EHF: variants seen among roughly 807,000 people sequenced by gnomAD.
The protein encoded by EHF is ETS homologous factor, also known as ESE3 transcription factor.
In EHF, 14 loss-of-function variants were observed where a neutral mutation model predicts 45.1. That is an observed-to-expected ratio of 0.31 (90% confidence interval 0.21 to 0.49). EHF has a LOEUF of 0.49. EHF is among the 20% of genes least tolerant of loss of function. The probability of loss-of-function intolerance (pLI) is 0.99; values close to 1 mark genes in which losing one functional copy is unlikely to be tolerated. For missense variants in EHF, 282 were observed against 371.4 expected, an observed-to-expected ratio of 0.76 and a Z score of 1.98; for synonymous variants, 136 against 131.8, an observed-to-expected ratio of 1.03 and a Z score of -0.22.
intron 1 of EHF, among the ~76,000 whole-genome samples, chr11:34,636,897 T>C (rs1011138029): frequency 6.6e-6 from 1 of 152,004 alleles, no homozygotes; most frequent in Non-Finnish European, 1.5e-5. Context: ...GGCGTGGTGG[T>C]GCATGCCTAT....
chr11:34,636,075 T>C (rs1300920371), intron 1 of EHF, among the ~76,000 whole-genome samples: 72 of 152,328 alleles, frequency 4.7e-4, no homozygotes, highest in Non-Finnish European at 4.4e-5. Context: ...CTTTGAAGCT[T>C]TGCTCGAAAT....
At chr11:34,633,586 A>G (rs1206906651) in intron 1 of EHF, among the ~76,000 whole-genome samples, 1 of 152,174 alleles carries the variant, frequency 6.6e-6, no homozygotes, top group Non-Finnish European at 1.5e-5. Context: ...TTTTATTTCA[A>G]GTTGGCAAAT....
intron 4 of EHF, among the ~76,000 whole-genome samples, chr11:34,649,823 A>G (rs548281115): frequency 6.6e-6 from 1 of 152,180 alleles, no homozygotes; most frequent in Non-Finnish European, 1.5e-5. Context: ...GGGCCAACCA[A>G]GCTTTCCATA....
At chr11:34,654,963 CTT>C (rs1461125097) in intron 6 of EHF, among the ~76,000 whole-genome samples, 13 of 152,178 alleles carry the variant, frequency 8.5e-5, no homozygotes, top group African/African-American at 3.1e-4. Flanking sequence ...AAATGCCACT[CTT>C]TGTCTGCAGT....
At chr11:34,649,752 G>A (rs550280949) in intron 4 of EHF, among the ~76,000 whole-genome samples, 2 of 152,264 alleles carry the variant, frequency 1.3e-5, no homozygotes, top group South Asian at 4.1e-4. Context: ...ATAAAACTGT[G>A]CAGCAACTAT....
intron 1 of EHF, among the ~76,000 whole-genome samples, chr11:34,637,099 T>C (rs890731893): frequency 6.6e-6 from 1 of 151,206 alleles, no homozygotes; most frequent in Admixed American, 6.6e-5. Context: ...CACTCTTGAA[T>C]GTGTCCTCTC....
chr11:34,642,553 ACT>A, intron 1 of EHF, 73 bp from the exon 2 acceptor site: 1 of 898,080 alleles, frequency 1.1e-6, no homozygotes, highest in Non-Finnish European at 1.8e-6. Context: ...TCCTAAATTT[ACT>A]CTGTGATCTG....
intron 1 of EHF, 106 bp from the exon 2 acceptor site, chr11:34,642,522 G>A (rs1854109974): frequency 1.4e-6 from 1 of 735,208 alleles, no homozygotes. Flanking sequence ...TGGGTGGAAG[G>A]ACAAATTCTC....
intron 3 of EHF, among the ~76,000 whole-genome samples, chr11:34,647,984 C>T (rs1394050324): frequency 6.6e-6 from 1 of 152,186 alleles, no homozygotes; most frequent in Non-Finnish European, 1.5e-5. Context: ...AGGTCTGAGG[C>T]AGGGAGGCCT....
chr11:34,651,880 C>A, intron 6 of EHF, 75 bp downstream of exon 6: 1 of 1,383,794 alleles, frequency 7.2e-7, no homozygotes, highest in Non-Finnish European at 1.0e-6. Context: ...CAACACTCTA[C>A]ATTTCTGCCT....
intron 1 of EHF, chr11:34,632,320 G>T (rs1306159590): frequency 3.7e-6 from 2 of 546,398 alleles, no homozygotes; most frequent in Non-Finnish European, 6.1e-6. Context: ...CCCTCTGGGA[G>T]GTATTCAGAA....
chr11:34,652,654 TGGAATTAAATTTGGA>T (rs1169069101), intron 6 of EHF, among the ~76,000 whole-genome samples: 1 of 152,236 alleles, frequency 6.6e-6, no homozygotes, highest in Admixed American at 6.5e-5. Flanking sequence ...GCCTCTCTCC[TGGAATTAAATTTGGA>T]GCAACTTCAG....
chr11:34,660,964 A>G lies in EHF; in HGVS notation c.*2033A>G, dbSNP rs1413606177. 6.6e-6 allele frequency: 1 copy of G among 152,172 alleles called. No individual in the cohort carries two copies. Among genetic ancestry groups the G allele is most frequent in the East Asian group, 1.9e-4 (1 of 5,192 alleles). The allele number at this position is 152,172 out of a possible 1,614,324, so 9.4% of individuals were successfully genotyped here. A position where few individuals can be genotyped will look rare whatever the true frequency, so the allele number is the denominator to read the frequency against. Reference sequence around the variant, plus strand: ...ACATGAATAACTTTCTGAAGGTGCAACCAAATCCATTTTTATTTCTGCCTG... The same window carrying G: ...ACATGAATAACTTTCTGAAGGTGCAGCCAAATCCATTTTTATTTCTGCCTG... On this transcript the variant is annotated 3_prime_UTR_variant, in exon 9 of 9. Transcript: ENST00000257831.
chr11:34,632,610 A>G, intron 1 of EHF: 1 of 1,535,654 alleles, frequency 6.5e-7, no homozygotes, highest in Non-Finnish European at 8.7e-7. Flanking sequence ...CGGAGAGAAG[A>G]GGATTGGTCC....
chr11:34,650,838 A>G lies in EHF; in HGVS notation c.407-704A>G, dbSNP rs188699206. Reference sequence around the variant, plus strand: ...TTACCGCAGCACACAGAAGAAAGAGAAAGAGAGACAGAGTACAAGAGCACT... The same window carrying G: ...TTACCGCAGCACACAGAAGAAAGAGGAAGAGAGACAGAGTACAAGAGCACT... On this transcript the variant is annotated intron_variant, in intron 4 of 8. Coordinates refer to ENST00000257831, the MANE Select transcript of EHF (RefSeq NM_012153.6). 1.6e-3 allele frequency among the ~76,000 whole-genome samples: 246 copies of G among 152,270 alleles called. 1 individual carries two copies. The highest frequency in any genetic ancestry group is 5.7e-3 in the African/African-American group (237 of 41,546).
Position 34,662,912 on chromosome 11 carries a change from G to A in EHF, c.*3981G>A, listed in dbSNP as rs951271952. ...CAATATCAGAGCTGAATTATCCTCAGTGTAGCTTCTTGGAATTCAGTTTCT... is the reference window on the plus strand; with the variant it reads ...CAATATCAGAGCTGAATTATCCTCAATGTAGCTTCTTGGAATTCAGTTTCT... On this transcript the variant is annotated 3_prime_UTR_variant, in exon 9 of 9. Coordinates refer to ENST00000257831, the MANE Select transcript of EHF (RefSeq NM_012153.6). Among the ~76,000 whole-genome samples the A allele has an allele frequency of 3.9e-5, 6 of 152,046 alleles. No homozygotes were observed. Among genetic ancestry groups the A allele is most frequent in the African/African-American group, 9.7e-5 (4 of 41,418 alleles).
intron 6 of EHF, among the ~76,000 whole-genome samples, chr11:34,652,398 C>G (rs866503343): frequency 1.3e-4 from 20 of 152,220 alleles, no homozygotes; most frequent in Admixed American, 9.8e-4. Flanking sequence ...TTTGGTTAAG[C>G]TTGGATGCAA....
Position 34,658,942 on chromosome 11 carries a change from A to T in EHF, c.*11A>T. On this transcript the variant is annotated 3_prime_UTR_variant, in exon 9 of 9. Transcript: ENST00000257831. ...GAAAATGAAAACTGAAGCTGCCAAT[A>T]CTTTGGACACAAACCAAAACACACA... 13 of 1,600,426 alleles carry T rather than the reference A, an allele frequency of 8.1e-6. No individual in the cohort carries two copies. The highest frequency in any genetic ancestry group is 1.1e-5 in the Non-Finnish European group (13 of 1,172,218).
intron 1 of EHF, chr11:34,642,306 A>C (rs1233795649): frequency 1.1e-5 from 2 of 178,642 alleles, no homozygotes; most frequent in Non-Finnish European, 2.3e-5. Context: ...AAAAAGAAAA[A>C]AAAAAACTGC....
Sources: gnomAD v4.1 joint callset for allele counts (sites outside exome capture counted in the v4.1 genomes callset) on GRCh38, gnomAD v4.1.1 for gene constraint, MANE v1.5 for transcripts, NCBI Gene and HGNC (gene_info 2026-07-23, HGNC 2026-07-21) for gene names.